TRPM8: variants seen among roughly 807,000 people sequenced by gnomAD.
TRPM8 encodes transient receptor potential cation channel subfamily M member 8, also known as TRPM8 cationic channel.
TRPM8 carries 110 observed loss-of-function variants against 133.7 expected under a neutral mutation model. The observed-to-expected ratio is 0.82, with a 90% CI of 0.70 to 0.96. The LOEUF (loss-of-function observed/expected upper bound fraction) is 0.96, where lower values mean the gene tolerates loss of function less well. TRPM8 is among the 40% of genes least tolerant of loss of function. The pLI is 0.00. For missense variants in TRPM8, 1,291 were observed against 1,379.5 expected (o/e 0.94, Z 1.02); for synonymous variants, 535 against 532.3 (o/e 1.01, Z -0.07).
At chr2:234,008,315 A>T (rs1692747138) in intron 24 of TRPM8, among the ~76,000 whole-genome samples, 1 of 152,220 alleles carries the variant, frequency 6.6e-6, no homozygotes, top group Admixed American at 6.5e-5. Context: ...CATGATGTCC[A>T]AAATCTTTTC....
chr2:233,943,217 A>G (rs149685828), intron 6 of TRPM8, among the ~76,000 whole-genome samples: 3,522 of 151,722 alleles, frequency 0.023, 128 homozygotes, highest in East Asian at 0.15. Flanking sequence ...CCATTAACTC[A>G]TCATTTAACA....
chr2:233,927,836 C>CT (rs1559516322), intron 2 of TRPM8, among the ~76,000 whole-genome samples: 1 of 79,722 alleles, frequency 1.3e-5, no homozygotes, highest in African/African-American at 7.5e-5. Flanking sequence ...TCCTTCCTTC[C>CT]TTCCTTCCTT....
At chr2:233,982,897 G>A (rs543572598) in intron 19 of TRPM8, among the ~76,000 whole-genome samples, 156 bp from the exon 20 acceptor site, 27 of 152,278 alleles carry the variant, frequency 1.8e-4, no homozygotes, top group Non-Finnish European at 2.8e-4. Flanking sequence ...GATGATGACC[G>A]CTTTTGTCAA....
chr2:234,017,149 T>A (rs949269639), intron 25 of TRPM8, 150 bp from the exon 26 acceptor site: 1 of 355,152 alleles, frequency 2.8e-6, no homozygotes, highest in African/African-American at 2.2e-5. Flanking sequence ...CAGAGCTGCT[T>A]CTATAAAAAA....
chr2:233,935,836 T>C (rs921588384), intron 3 of TRPM8, among the ~76,000 whole-genome samples: 4 of 152,016 alleles, frequency 2.6e-5, no homozygotes, highest in Non-Finnish European at 2.9e-5. Flanking sequence ...TGGGAGTTGT[T>C]TTTGGCTAAA....
intron 21 of TRPM8, among the ~76,000 whole-genome samples, chr2:233,991,341 T>C (rs1692272079): frequency 6.6e-6 from 1 of 152,244 alleles, no homozygotes; most frequent in East Asian, 1.9e-4. Context: ...TCGCTTGTCA[T>C]CTCTTACTGC....
chr2:233,920,623 G>T, intron 1 of TRPM8, among the ~76,000 whole-genome samples: 1 of 152,148 alleles, frequency 6.6e-6, no homozygotes, highest in East Asian at 1.9e-4. Flanking sequence ...GCTGTGCAGG[G>T]ATATTTACCA....
intron 23 of TRPM8, among the ~76,000 whole-genome samples, chr2:234,007,260 G>A (rs1322728279): frequency 6.6e-6 from 1 of 152,156 alleles, no homozygotes; most frequent in Non-Finnish European, 1.5e-5. Flanking sequence ...CCCCTGCTGC[G>A]GCCGCAGAGG....
rs1691694832 is a variant in TRPM8, at chr2:233,932,228, T to C, written c.191+1487T>C. Among the ~76,000 whole-genome samples the C allele has an allele frequency of 2.0e-5, 3 of 152,208 alleles. No homozygotes were observed. In the South Asian group the frequency reaches 6.2e-4, roughly 32 times the overall value. On this transcript the variant is annotated intron_variant, in intron 3 of 25. Coordinates refer to ENST00000324695, the MANE Select transcript of TRPM8 (RefSeq NM_024080.5). ...ACAACGTCGCCGAGACTCTGTCTCT[T>C]TCCACCTGTTGTTCCTGCCCTTCTC...
chr2:233,985,567 G>A, intron 20 of TRPM8, 121 bp from the exon 21 acceptor site: 1 of 885,170 alleles, frequency 1.1e-6, no homozygotes, highest in Non-Finnish European at 1.8e-6. Flanking sequence ...TGGACAAAGT[G>A]CCTTAGACGA....
intron 2 of TRPM8, among the ~76,000 whole-genome samples, chr2:233,927,924 T>TCTCTC (rs1691593859): frequency 1.4e-4 from 4 of 28,046 alleles, no homozygotes; most frequent in African/African-American, 2.1e-4. Flanking sequence ...CTCTCTCTCT[T>TCTCTC]TCTCTCTCTC....
At chr2:233,953,346 T>C (rs1240368701) in intron 9 of TRPM8, among the ~76,000 whole-genome samples, 1 of 152,220 alleles carries the variant, frequency 6.6e-6, no homozygotes, top group Non-Finnish European at 1.5e-5. Flanking sequence ...AAGGGGCCCT[T>C]CTCACCAAGC....
In TRPM8 at chr2:233,989,599, C is replaced by T. The variant is rs1692225806; in HGVS notation, c.2939+3734C>T. On this transcript the variant is annotated intron_variant, in intron 21 of 25. Transcript: ENST00000324695. The surrounding 1 kb of genome is among the most constrained non-coding windows in gnomAD (Gnocchi z 4.2). ...AGGGCTTACTCTGTGAGCAGATGGCCCCAGGATGTGACCCTTCCCTGGCAC... is the reference window on the plus strand; with the variant it reads ...AGGGCTTACTCTGTGAGCAGATGGCTCCAGGATGTGACCCTTCCCTGGCAC... Among the ~76,000 whole-genome samples the T allele has an allele frequency of 6.6e-6, 1 of 152,098 alleles. No homozygotes were observed. The highest frequency in any genetic ancestry group is 2.4e-5 in the African/African-American group (1 of 41,398).
chr2:233,927,763 T>C (rs868841221), intron 2 of TRPM8, among the ~76,000 whole-genome samples: 45 of 69,264 alleles, frequency 6.5e-4, no homozygotes, highest in African/African-American at 4.7e-3. Flanking sequence ...TCTTTCTTTC[T>C]TTCTTTCTTT....
intron 2 of TRPM8, among the ~76,000 whole-genome samples, chr2:233,930,015 A>G (rs1691649178): frequency 6.6e-6 from 1 of 152,082 alleles, no homozygotes; most frequent in African/African-American, 2.4e-5. Context: ...TGTCTGTCTC[A>G]TTCTTACTGA....
chr2:233,971,400 C>T lies in TRPM8; in HGVS notation c.2355+974C>T, dbSNP rs138237840. ...ATTCCAAGGGTCTGTCTGTTCTCAG[C>T]GGGAGAGCATTTTGATCGATTAGTG... On this transcript the variant is annotated intron_variant, in intron 17 of 25. Transcript: ENST00000324695. Among the ~76,000 whole-genome samples the T allele has an allele frequency of 4.1e-3, 621 of 152,234 alleles. 3 individuals carry two copies. The highest frequency in any genetic ancestry group is 7.0e-3 in the Admixed American group (107 of 15,290).
chr2:233,939,275 G>A (rs1014573792), intron 5 of TRPM8, 100 bp downstream of exon 5: 3 of 1,326,612 alleles, frequency 2.3e-6, no homozygotes, highest in Non-Finnish European at 3.1e-6. Context: ...GAGAATCCGG[G>A]TGCTGCTAGA....
At chr2:233,994,918 T>C (rs1692366523) in intron 21 of TRPM8, among the ~76,000 whole-genome samples, 1 of 152,228 alleles carries the variant, frequency 6.6e-6, no homozygotes, top group Non-Finnish European at 1.5e-5. Context: ...TCTTGGATGG[T>C]TGAACTTTGC....
At chr2:233,941,985 T>C (rs1559522008) in intron 5 of TRPM8, among the ~76,000 whole-genome samples, 1 of 151,860 alleles carries the variant, frequency 6.6e-6, no homozygotes, top group South Asian at 2.1e-4. Flanking sequence ...AAGAGTCCTC[T>C]AGAGGCTGGT....
Sources: allele counts gnomAD v4.1 joint callset (sites outside exome capture counted in the v4.1 genomes callset), GRCh38; gene constraint gnomAD v4.1.1; non-coding constraint Gnocchi (gnomAD v3.1); transcripts MANE v1.5; gene names NCBI Gene and HGNC (gene_info 2026-07-23, HGNC 2026-07-21).